CNNM1: variants seen among roughly 807,000 people sequenced by gnomAD.
CNNM1 encodes metal transporter CNNM1.
Under a neutral mutation model 78.8 loss-of-function variants are expected in CNNM1, and 44 were observed. The observed-to-expected ratio is 0.56, with a 90% CI of 0.44 to 0.72. CNNM1 has a LOEUF of 0.72. Ranked by LOEUF, CNNM1 falls within the 30% of genes least tolerant of loss-of-function variation. The pLI is 0.00. For missense variants in CNNM1, 1,101 were observed against 1,292.2 expected (o/e 0.85, Z 2.27); for synonymous variants, 584 against 581.5 (o/e 1.00, Z -0.06).
chr10:99,356,293 T>C (rs1251250539), intron 1 of CNNM1, among the ~76,000 whole-genome samples: 2 of 151,952 alleles, frequency 1.3e-5, no homozygotes, highest in Admixed American at 6.6e-5. Flanking sequence ...TTGGCCAACA[T>C]GGTGAAACCC....
intron 2 of CNNM1, 149 bp downstream of exon 2, chr10:99,357,804 C>A: frequency 1.6e-6 from 1 of 637,038 alleles, no homozygotes; most frequent in Non-Finnish European, 2.4e-6. Context: ...GCTGCTGTGG[C>A]AAGATACCCT....
At chr10:99,367,582 C>A (rs1243841210) in intron 6 of CNNM1, among the ~76,000 whole-genome samples, 3 of 152,138 alleles carry the variant, frequency 2.0e-5, no homozygotes, top group African/African-American at 7.2e-5. Flanking sequence ...TATGATTCTT[C>A]TTGAGAATAG....
rs1336014116 is a variant in CNNM1 at position 99,329,491 on chromosome 10, C to T, written c.104C>T (p.Pro35Leu). 8.0e-6 allele frequency: 12 copies of T among 1,506,372 alleles called. No individual in the cohort carries two copies. The highest frequency in any genetic ancestry group is 7.5e-5 in the South Asian group (6 of 80,398). 93.3% of individuals were successfully genotyped at this position (1,506,372 alleles called of 1,614,324 possible). The change falls in exon 1 of 11, where the codon CCC becomes CTC. Residue 35 changes from proline to leucine, a missense_variant. Pro to Leu is a moderately conservative substitution (Grantham distance 98). This residue lies in a region of CNNM1 where 476 missense variants were observed against 484.5 expected (regional missense o/e 0.98). Coordinates refer to ENST00000356713, the MANE Select transcript of CNNM1 (RefSeq NM_020348.3). ...LLLFFSLSPR[P>L]PAAAAWLLGL... is the part of the protein sequence containing the mutation. The stretch of plus-strand genomic sequence containing the variant: ...CTCTTCTTTTCCCTGTCTCCTCGGC[C>T]CCCGGCCGCCGCCGCCTGGCTGCTG...
chr10:99,347,577 A>ACACACACACACACACACACACG (rs2030751538), intron 1 of CNNM1, among the ~76,000 whole-genome samples: 1 of 8,952 alleles, frequency 1.1e-4, no homozygotes, highest in South Asian at 4.7e-3. Flanking sequence ...CCTTTTTGCA[A>ACACACACACACACACACACACG]CACACACACA....
rs577127517 is a variant in CNNM1 at position 99,362,471 on chromosome 10, G to A, written c.2028+75G>A. Reference sequence around the variant, plus strand: ...AGGGTGAAGAAATGGCCATGCCTCCGTCAGCACCAAGTTCCAAGACTTGGC... The same window carrying A: ...AGGGTGAAGAAATGGCCATGCCTCCATCAGCACCAAGTTCCAAGACTTGGC... On this transcript the variant is annotated intron_variant, in intron 4 of 10. Coordinates refer to ENST00000356713, the MANE Select transcript of CNNM1 (RefSeq NM_020348.3). 78 of 1,462,526 alleles carry A rather than the reference G, an allele frequency of 5.3e-5. No individual in the cohort carries two copies. The Middle Eastern group carries it at 1.5e-3, about 28-fold the overall frequency. 90.6% of individuals were successfully genotyped at this position (1,462,526 alleles called of 1,614,324 possible). A position where few individuals can be genotyped will look rare whatever the true frequency, so the allele number is the denominator to read the frequency against.
intron 4 of CNNM1, among the ~76,000 whole-genome samples, chr10:99,363,189 A>G (rs921707574): frequency 6.6e-6 from 1 of 152,306 alleles, no homozygotes. Flanking sequence ...TTAAGCTCAC[A>G]TGAACTTAGA....
rs191714371 is a variant in CNNM1 at position 99,348,914 on chromosome 10, C to T, written c.1574-8598C>T. On this transcript the variant is annotated intron_variant, in intron 1 of 10. Transcript: ENST00000356713. ...AAAAACAAACAAACAAACAAATAAA[C>T]AAACAAATAGCCAGGCCTGCTGGCT... is the stretch of plus-strand genomic sequence containing the variant. 4.1e-5 allele frequency among the ~76,000 whole-genome samples: 4 copies of T among 96,718 alleles called. No homozygotes were observed. The East Asian group carries it at 8.7e-4, about 21-fold the overall frequency. The allele number at this position is 96,718 out of a possible 152,430, so 63.5% of individuals were successfully genotyped here.
intron 1 of CNNM1, among the ~76,000 whole-genome samples, chr10:99,346,390 T>C (rs1261623594): frequency 6.6e-6 from 1 of 152,228 alleles, no homozygotes; most frequent in South Asian, 2.1e-4. Context: ...TGGTTCTGCC[T>C]ACATCATATC....
chr10:99,377,073 G>A lies in CNNM1; in HGVS notation c.2195G>A (p.Arg732His), dbSNP rs771574660. The A allele has an allele frequency of 5.8e-5, 90 of 1,559,954 alleles. No homozygotes were observed. Among genetic ancestry groups the A allele is most frequent in the Non-Finnish European group, 7.5e-5 (86 of 1,152,538 alleles). Reference protein sequence around the residue: ...SSVFLNRSPSRCSGLNRSESP... With the variant: ...SSVFLNRSPSHCSGLNRSESP... ...TCTGCAGTAAACCGGTCCCCTTCTC[G>A]CTGCAGTGGGTTGAATCGCTCTGAG... Residue 732 changes from arginine (R) to histidine (H), a missense_variant, in exon 7 of 11, where the codon CGC (arginine) becomes CAC (histidine). Physicochemically the swap from Arg to His is conservative, Grantham distance 29. Coordinates refer to ENST00000356713, the MANE Select transcript of CNNM1 (RefSeq NM_020348.3).
intron 6 of CNNM1, among the ~76,000 whole-genome samples, chr10:99,371,927 C>A (rs937864764): frequency 1.3e-5 from 2 of 152,170 alleles, no homozygotes; most frequent in African/African-American, 4.8e-5. Flanking sequence ...GCCATTCCCC[C>A]TCATCCCTCA....
chr10:99,384,478 C>T (rs2134079508), intron 7 of CNNM1, among the ~76,000 whole-genome samples: 1 of 152,212 alleles, frequency 6.6e-6, no homozygotes, highest in South Asian at 2.1e-4. Flanking sequence ...AGACCCTCTC[C>T]AGCCCCTCCC....
intron 3 of CNNM1, 43 bp from the exon 4 acceptor site, chr10:99,362,184 A>G: frequency 6.5e-7 from 1 of 1,550,204 alleles, no homozygotes; most frequent in Non-Finnish European, 8.7e-7. Context: ...TGGGTGGGAC[A>G]CAGCTGATGC....
At position 99,329,794 on chromosome 10, in the gene CNNM1, A is replaced by G; in HGVS notation, c.407A>G (p.Gln136Arg). 6.8e-7 allele frequency: 1 copy of G among 1,477,360 alleles called. No homozygotes were observed. Among genetic ancestry groups the G allele is most frequent in the Non-Finnish European group, 8.9e-7 (1 of 1,120,770 alleles). The allele number at this position is 1,477,360 out of a possible 1,614,324, so 91.5% of individuals were successfully genotyped here. Residue 136 changes from glutamine to arginine, a missense_variant, in exon 1 of 11, where the codon CAG becomes CGG. Gln to Arg is a conservative substitution (Grantham distance 43). This residue lies in a region of CNNM1 where 476 missense variants were observed against 484.5 expected (regional missense o/e 0.98). Coordinates refer to ENST00000356713, the MANE Select transcript of CNNM1 (RefSeq NM_020348.3). ...CCGGGACCGCAGCGCTGCAGGGAGCAGAGCGACTGGGCATCGGACGTGGAA... is the reference window on the plus strand; with the variant it reads ...CCGGGACCGCAGCGCTGCAGGGAGCGGAGCGACTGGGCATCGGACGTGGAA... The part of the protein sequence containing the change: ...RPPGPQRCRE[Q>R]SDWASDVEVL...
At position 99,393,108 on chromosome 10, in the gene CNNM1, A is replaced by C. The variant is rs1289959009; in HGVS notation, c.*1592A>C. ...TGTCTCCTACTCTTTAGATGTTCTC[A>C]GTCAAGTACTCACTGAACTCATTGA... is the stretch of plus-strand genomic sequence containing the variant. On this transcript the variant is annotated 3_prime_UTR_variant, in exon 11 of 11. Coordinates refer to ENST00000356713, the MANE Select transcript of CNNM1 (RefSeq NM_020348.3). 1 of 152,268 alleles carries C rather than the reference A, an allele frequency of 6.6e-6. No homozygotes were observed. The highest frequency in any genetic ancestry group is 1.5e-5 in the Non-Finnish European group (1 of 68,048). 9.4% of individuals were successfully genotyped at this position (152,268 alleles called of 1,614,324 possible).
chr10:99,388,013 C>T lies in CNNM1; in HGVS notation c.2524+10C>T. On this transcript the variant is annotated intron_variant, in intron 8 of 10. Transcript: ENST00000356713. ...AGGAACAGCCTGCCGTGTAAGTCAG[C>T]TGGGCAGACGGGCAGGCTGGGCTGG... 1 of 1,581,840 alleles carries T rather than the reference C, an allele frequency of 6.3e-7. No individual in the cohort carries two copies. Among genetic ancestry groups the T allele is most frequent in the South Asian group, 1.2e-5 (1 of 85,320 alleles).
chr10:99,374,788 G>A (rs182696223), intron 6 of CNNM1, among the ~76,000 whole-genome samples: 1 of 152,328 alleles, frequency 6.6e-6, no homozygotes, highest in African/African-American at 2.4e-5. Context: ...TGTGCCAGGT[G>A]CTGGGTGTAC....
chr10:99,352,058 G>A (rs773597251), intron 1 of CNNM1, among the ~76,000 whole-genome samples: 4 of 152,056 alleles, frequency 2.6e-5, no homozygotes, highest in Non-Finnish European at 5.9e-5. Context: ...AGTTGTGCAG[G>A]CATCCCTACT....
intron 7 of CNNM1, among the ~76,000 whole-genome samples, chr10:99,384,506 C>A (rs565403728): frequency 2.0e-4 from 30 of 151,824 alleles, no homozygotes; most frequent in Non-Finnish European, 4.0e-4. Flanking sequence ...ACCCTCACTG[C>A]CATACACTGC....
chr10:99,329,882 G>C lies in CNNM1; in HGVS notation c.495G>C (p.Arg165=). The C allele has an allele frequency of 7.2e-7, 1 of 1,394,068 alleles. No homozygotes were observed. Among genetic ancestry groups the C allele is most frequent in the Non-Finnish European group, 9.2e-7 (1 of 1,081,378 alleles). 86.4% of individuals were successfully genotyped at this position (1,394,068 alleles called of 1,614,324 possible). The change falls in exon 1 of 11, where the codon CGG becomes CGC. Residue 165 remains arginine, a synonymous_variant. Coordinates refer to ENST00000356713, the MANE Select transcript of CNNM1 (RefSeq NM_020348.3). ...AGSALVQVRV[R]ELRKGEAERG... is the part of the protein sequence containing the mutation. ...CGGCCCTGGTCCAGGTGCGAGTGCG[G>C]GAGCTGCGCAAGGGCGAAGCGGAGC...
Sources: gnomAD v4.1 joint callset for allele counts (sites outside exome capture counted in the v4.1 genomes callset) on GRCh38, gnomAD v4.1.1 for gene constraint, gnomAD v4.1.1 regional missense constraint, MANE v1.5 for transcripts, NCBI Gene and HGNC (gene_info 2026-07-23, HGNC 2026-07-21) for gene names.